ZNF778: variants seen among roughly 807,000 people sequenced by gnomAD.
ZNF778 encodes zinc finger protein 778.
Under a neutral mutation model 23.9 loss-of-function variants are expected in ZNF778, and 37 were observed. The observed-to-expected ratio is 1.54, with a 90% CI of 1.19 to 2.03. The LOEUF (loss-of-function observed/expected upper bound fraction) is 2.03. Ranked by LOEUF, ZNF778 falls within the 30% of genes most tolerant of loss-of-function variation. The pLI is 0.00. For missense variants in ZNF778, 1,297 were observed against 934.4 expected (o/e 1.39, Z -5.06); for synonymous variants, 483 against 343.9 (o/e 1.40, Z -4.48).
chr16:89,233,866 A>G lies in ZNF778; in HGVS notation c.*5304A>G. The G allele has an allele frequency of 7.8e-7, 1 of 1,289,830 alleles. No individual in the cohort carries two copies. The highest frequency in any genetic ancestry group is 1.0e-6 in the Non-Finnish European group (1 of 989,166). 79.9% of individuals were successfully genotyped at this position (1,289,830 alleles called of 1,614,324 possible). A position where few individuals can be genotyped will look rare whatever the true frequency, so the allele number is the denominator to read the frequency against. On this transcript the variant is annotated 3_prime_UTR_variant, in exon 7 of 7. Coordinates refer to ENST00000433976, the MANE Select transcript of ZNF778 (RefSeq NM_001201407.2). Reference sequence around the variant, plus strand: ...CGGCCACTTCCTTTTTCTAACTACCACACCAAGCCAGTATTTCTCCTCCCT... The same window carrying G: ...CGGCCACTTCCTTTTTCTAACTACCGCACCAAGCCAGTATTTCTCCTCCCT...
At position 89,221,036 on chromosome 16, in the gene ZNF778, A is replaced by G; in HGVS notation, c.-92A>G. On this transcript the variant is annotated 5_prime_UTR_variant, in exon 2 of 7. Coordinates refer to ENST00000433976, the MANE Select transcript of ZNF778 (RefSeq NM_001201407.2). ...GCCATCCGTGGGTCAGGAGGAATGG[A>G]GACTGTACCTTCCACATAGATTCAC... 2.8e-6 allele frequency: 4 copies of G among 1,435,738 alleles called. No homozygotes were observed. The highest frequency in any genetic ancestry group is 9.6e-7 in the Non-Finnish European group (1 of 1,044,470). 88.9% of individuals were successfully genotyped at this position (1,435,738 alleles called of 1,614,324 possible).
In ZNF778 at chr16:89,221,124, C is replaced by T. The variant is rs369473024; in HGVS notation, c.-4C>T. ...CATTCAGACGCTTCCGTCAGCCTCC[C>T]AGGATGGCAGCCCCTGACCTGGCCC... On this transcript the variant is annotated 5_prime_UTR_variant, in exon 2 of 7. Coordinates refer to ENST00000433976, the MANE Select transcript of ZNF778 (RefSeq NM_001201407.2). 57 of 1,567,918 alleles carry T rather than the reference C, an allele frequency of 3.6e-5. No homozygotes were observed. The highest frequency in any genetic ancestry group is 4.8e-5 in the Non-Finnish European group (56 of 1,156,026).
At position 89,232,428 on chromosome 16, in the gene ZNF778, CAGACTA is replaced by C; in HGVS notation, c.*3871_*3876del. On this transcript the variant is annotated 3_prime_UTR_variant, in exon 7 of 7. Transcript: ENST00000433976. ...AGCCTCAGATATGTAGCAACACAGA[CAGACTA>C]AGACACCAAGCATGATGGAAAACTG... The C allele has an allele frequency of 3.0e-6, 1 of 333,946 alleles. No individual in the cohort carries two copies. The highest frequency in any genetic ancestry group is 5.6e-6 in the Non-Finnish European group (1 of 177,592). 20.7% of individuals were successfully genotyped at this position (333,946 alleles called of 1,614,324 possible).
In ZNF778 at chr16:89,229,794, G is replaced by A. The variant is rs2031813767; in HGVS notation, c.*1232G>A. ...AGATGTGATTCTGTGAGCAGTGTAG[G>A]CTCTGGTTGGTTAGTCTTAGGTATC... On this transcript the variant is annotated 3_prime_UTR_variant, in exon 7 of 7. Transcript: ENST00000433976. 1 of 983,208 alleles carries A rather than the reference G, an allele frequency of 1.0e-6. No homozygotes were observed. Among genetic ancestry groups the A allele is most frequent in the South Asian group, 4.7e-5 (1 of 21,164 alleles). The allele number at this position is 983,208 out of a possible 1,614,324, so 60.9% of individuals were successfully genotyped here.
intron 1 of ZNF778, among the ~76,000 whole-genome samples, chr16:89,218,660 G>A (rs2030602126): frequency 1.3e-5 from 2 of 152,052 alleles, no homozygotes; most frequent in African/African-American, 2.4e-5. Context: ...GCGTGGTGGC[G>A]GGCTCCTGTA....
At position 89,217,796 on chromosome 16, in the gene ZNF778, G is replaced by T. The variant is rs2030485165; in HGVS notation, c.-246G>T. The T allele has an allele frequency of 6.6e-6, 1 of 152,340 alleles. No individual in the cohort carries two copies. Among genetic ancestry groups the T allele is most frequent in the Non-Finnish European group, 1.5e-5 (1 of 68,040 alleles). The allele number at this position is 152,340 out of a possible 1,614,324, so 9.4% of individuals were successfully genotyped here. A position where few individuals can be genotyped will look rare whatever the true frequency, so the allele number is the denominator to read the frequency against. ...GGGCTGTCCGCGGGGAAGCTGGTCC[G>T]GGAGTGGGCGCCCGCCCGCCTGCCT... On this transcript the variant is annotated 5_prime_UTR_variant, in exon 1 of 7. Transcript: ENST00000433976.
At position 89,229,463 on chromosome 16, in the gene ZNF778, G is replaced by C; in HGVS notation, c.*901G>C. 8 of 976,604 alleles carry C rather than the reference G, an allele frequency of 8.2e-6. No homozygotes were observed. The highest frequency in any genetic ancestry group is 9.7e-6 in the Non-Finnish European group (8 of 826,818). The allele number at this position is 976,604 out of a possible 1,614,324, so 60.5% of individuals were successfully genotyped here. ...GTCTTGAGGATGCAGATGTGATTCT[G>C]TGTGAGCAGCGTAGGCTCTGGTTGG... On this transcript the variant is annotated 3_prime_UTR_variant, in exon 7 of 7. Coordinates refer to ENST00000433976, the MANE Select transcript of ZNF778 (RefSeq NM_001201407.2).
chr16:89,228,770 A>G lies in ZNF778; in HGVS notation c.*208A>G, dbSNP rs1315323265. 1 of 1,372,610 alleles carries G rather than the reference A, an allele frequency of 7.3e-7. No individual in the cohort carries two copies. Among genetic ancestry groups the G allele is most frequent in the Non-Finnish European group, 9.4e-7 (1 of 1,067,112 alleles). 85.0% of individuals were successfully genotyped at this position (1,372,610 alleles called of 1,614,324 possible). A position where few individuals can be genotyped will look rare whatever the true frequency, so the allele number is the denominator to read the frequency against. On this transcript the variant is annotated 3_prime_UTR_variant, in exon 7 of 7. Coordinates refer to ENST00000433976, the MANE Select transcript of ZNF778 (RefSeq NM_001201407.2). ...TTCTCTAAGGTCTTGCTGAATATGG[A>G]TGGTATCCAGTAGAGAGAACTCTAT... is the stretch of plus-strand genomic sequence containing the variant.
In ZNF778 at chr16:89,221,123, C is replaced by G. The variant is rs1041101519; in HGVS notation, c.-5C>G. 5 of 1,567,882 alleles carry G rather than the reference C, an allele frequency of 3.2e-6. No homozygotes were observed. Among genetic ancestry groups the G allele is most frequent in the Non-Finnish European group, 4.3e-6 (5 of 1,156,006 alleles). The stretch of plus-strand genomic sequence containing the variant: ...GCATTCAGACGCTTCCGTCAGCCTC[C>G]CAGGATGGCAGCCCCTGACCTGGCC... On this transcript the variant is annotated 5_prime_UTR_variant, in exon 2 of 7. Transcript: ENST00000433976.
rs1567511773 is a variant in ZNF778, at chr16:89,230,476, G to GGCACTGATGAGGCAGCTGCTGTGATCCA, written c.*1917_*1918insCTGATGAGGCAGCTGCTGTGATCCAGCA. The GGCACTGATGAGGCAGCTGCTGTGATCCA allele has an allele frequency of 2.6e-5, 4 of 151,932 alleles. No individual in the cohort carries two copies. Among genetic ancestry groups the GGCACTGATGAGGCAGCTGCTGTGATCCA allele is most frequent in the Non-Finnish European group, 5.9e-5 (4 of 68,022 alleles). The allele number at this position is 151,932 out of a possible 1,614,324, so 9.4% of individuals were successfully genotyped here. A position where few individuals can be genotyped will look rare whatever the true frequency, so the allele number is the denominator to read the frequency against. Reference sequence around the variant, plus strand: ...ACTGATGAGGCAGCTGCTGTGATCCGGCATTCATGGGGCAGCTGCTGCGAC... The same window carrying GGCACTGATGAGGCAGCTGCTGTGATCCA: ...ACTGATGAGGCAGCTGCTGTGATCCGGCACTGATGAGGCAGCTGCTGTGATCCAGCATTCATGGGGCAGCTGCTGCGAC... On this transcript the variant is annotated 3_prime_UTR_variant, in exon 7 of 7. Transcript: ENST00000433976.
rs1012800215 is a variant in ZNF778, at chr16:89,219,516, GC to G, written c.-131-1477del. Reference sequence around the variant, plus strand: ...CTTCTCTACTCTGTCCTGGTTCCAAGCCCCAGCCTATTTCTGAAAAGGTAAG... The same window carrying G: ...CTTCTCTACTCTGTCCTGGTTCCAAGCCCAGCCTATTTCTGAAAAGGTAAG... On this transcript the variant is annotated intron_variant, in intron 1 of 6. Transcript: ENST00000433976. Among the ~76,000 whole-genome samples the G allele has an allele frequency of 4.8e-4, 73 of 152,324 alleles. 1 individual carries two copies. The highest frequency in any genetic ancestry group is 1.6e-3 in the African/African-American group (65 of 41,584).
rs544551277 is a variant in ZNF778, at chr16:89,228,188, G to T, written c.1900G>T (p.Val634Leu). The T allele has an allele frequency of 6.2e-7, 1 of 1,613,172 alleles. No homozygotes were observed. The highest frequency in any genetic ancestry group is 8.5e-7 in the Non-Finnish European group (1 of 1,179,568). Reference sequence around the variant, plus strand: ...CTTCACCACATCCTCACACCTTATCGTGCACATAAGAACCCACACCGGTGA... The same window carrying T: ...CTTCACCACATCCTCACACCTTATCTTGCACATAAGAACCCACACCGGTGA... ...KAFTTSSHLI[V>L]HIRTHTGEKP... is the part of the protein sequence containing the mutation. The change falls in exon 7 of 7, where the codon GTG (valine) becomes TTG (leucine). Residue 634 changes from valine (V) to leucine (L), a missense_variant. By Grantham distance (32) the Val-to-Leu change is conservative. Transcript: ENST00000433976.
Position 89,222,112 on chromosome 16 carries a change from T to TC in ZNF778, c.47dup (p.Val17SerfsTer5). On this transcript the variant is annotated frameshift_variant, in exon 3 of 7. Coordinates refer to ENST00000433976, the MANE Select transcript of ZNF778 (RefSeq NM_001201407.2). LOFTEE classifies it high-confidence loss of function. The stretch of plus-strand genomic sequence containing the variant: ...TTTAGGAGGTCATGTTTCTAGGGAC[T>TC]CAGTCTGCCTTCATGAAGAACAGAC... The TC allele has an allele frequency of 6.2e-7, 1 of 1,601,784 alleles. No individual in the cohort carries two copies. The highest frequency in any genetic ancestry group is 8.5e-7 in the Non-Finnish European group (1 of 1,172,314).
chr16:89,226,092 A>C (rs2031451764), intron 6 of ZNF778, among the ~76,000 whole-genome samples: 1 of 151,772 alleles, frequency 6.6e-6, no homozygotes. Flanking sequence ...GTGTATTTTT[A>C]GTAGAGACGG....
rs1169967252 is a variant in ZNF778, at chr16:89,229,680, C to G, written c.*1118C>G. ...GGATCCAGATGTGATCCTGCGTGAG[C>G]AGCGTAGGCTCTGGTTGGTTAGTCT... is the stretch of plus-strand genomic sequence containing the variant. On this transcript the variant is annotated 3_prime_UTR_variant, in exon 7 of 7. Coordinates refer to ENST00000433976, the MANE Select transcript of ZNF778 (RefSeq NM_001201407.2). 1.0e-6 allele frequency: 1 copy of G among 978,998 alleles called. No homozygotes were observed. The highest frequency in any genetic ancestry group is 1.9e-5 in the African/African-American group (1 of 53,782). The allele number at this position is 978,998 out of a possible 1,614,324, so 60.6% of individuals were successfully genotyped here. A position where few individuals can be genotyped will look rare whatever the true frequency, so the allele number is the denominator to read the frequency against.
In ZNF778 at chr16:89,236,547, G is replaced by C. The variant is rs1010053607; in HGVS notation, c.*7985G>C. ...AAGCAATAGAAGAGTAAATACCTGA[G>C]TAAATAGATCAGATCATTCTACTCT... On this transcript the variant is annotated 3_prime_UTR_variant, in exon 7 of 7. Transcript: ENST00000433976. 1.5e-4 allele frequency: 23 copies of C among 152,238 alleles called. No individual in the cohort carries two copies. Among genetic ancestry groups the C allele is most frequent in the African/African-American group, 5.3e-4 (22 of 41,534 alleles). 9.4% of individuals were successfully genotyped at this position (152,238 alleles called of 1,614,324 possible).
chr16:89,235,205 C>T lies in ZNF778; in HGVS notation c.*6643C>T, dbSNP rs2032203082. On this transcript the variant is annotated 3_prime_UTR_variant, in exon 7 of 7. Coordinates refer to ENST00000433976, the MANE Select transcript of ZNF778 (RefSeq NM_001201407.2). ...TTTATTTTGTTCACAATTCTGAAGG[C>T]CTGGAGGGTCCCAGAAGCTTGGCAC... 1 of 152,186 alleles carries T rather than the reference C, an allele frequency of 6.6e-6. No homozygotes were observed. Among genetic ancestry groups the T allele is most frequent in the East Asian group, 1.9e-4 (1 of 5,184 alleles). 9.4% of individuals were successfully genotyped at this position (152,186 alleles called of 1,614,324 possible). A position where few individuals can be genotyped will look rare whatever the true frequency, so the allele number is the denominator to read the frequency against.
Position 89,217,739 on chromosome 16 carries a change from T to TGCTGGCGCCGGAGAGTTCCGC in ZNF778, c.-300_-280dup, listed in dbSNP as rs929487976. On this transcript the variant is annotated 5_prime_UTR_variant, in exon 1 of 7. Coordinates refer to ENST00000433976, the MANE Select transcript of ZNF778 (RefSeq NM_001201407.2). ...CTGATCCGGTTCTTGCGGCGGTGCG[T>TGCTGGCGCCGGAGAGTTCCGC]GCTGGCGCCGGAGAGTTCCGCGCGT... 1.1e-4 allele frequency: 16 copies of TGCTGGCGCCGGAGAGTTCCGC among 152,328 alleles called. No homozygotes were observed. The highest frequency in any genetic ancestry group is 3.8e-4 in the African/African-American group (16 of 41,582). 9.4% of individuals were successfully genotyped at this position (152,328 alleles called of 1,614,324 possible).
Position 89,234,147 on chromosome 16 carries a change from C to G in ZNF778, c.*5585C>G, listed in dbSNP as rs968299814. On this transcript the variant is annotated 3_prime_UTR_variant, in exon 7 of 7. Transcript: ENST00000433976. ...AGTGATAAACTTTCCATGTCAGGAACCTGTGTGTGTCACTCACTCACCTTG... is the reference window on the plus strand; with the variant it reads ...AGTGATAAACTTTCCATGTCAGGAAGCTGTGTGTGTCACTCACTCACCTTG... 3 of 443,118 alleles carry G rather than the reference C, an allele frequency of 6.8e-6. No homozygotes were observed. The highest frequency in any genetic ancestry group is 5.7e-4 in the Middle Eastern group (1 of 1,750). 27.4% of individuals were successfully genotyped at this position (443,118 alleles called of 1,614,324 possible).
Sources: allele counts gnomAD v4.1 joint callset (sites outside exome capture counted in the v4.1 genomes callset), GRCh38; gene constraint gnomAD v4.1.1; transcripts MANE v1.5; gene names NCBI Gene and HGNC (gene_info 2026-07-23, HGNC 2026-07-21).